OR52N2: variants seen among roughly 807,000 people sequenced by gnomAD.
OR52N2 encodes the protein olfactory receptor family 52 subfamily N member 2, also known as olfactory receptor 52N2.
For missense variants in OR52N2, 326 were observed against 196.6 expected, an observed-to-expected ratio of 1.66 and a Z score of -3.94; for synonymous variants, 129 against 72.0, an observed-to-expected ratio of 1.79 and a Z score of -4.01.
At position 5,821,122 on chromosome 11, in the gene OR52N2, A is replaced by C. The variant is rs1437571241; in HGVS notation, c.787A>C (p.Thr263Pro). The change falls in exon 2 of 2, where the codon ACT becomes CCT. Residue 263 changes from threonine (T) to proline (P), a missense_variant. By Grantham distance (38) the Thr-to-Pro change is conservative. Transcript: ENST00000317037. ...TYVAAFFTFF[T>P]HRFVGHNIPN... Reference sequence around the variant, plus strand: ...TGTTGCTGCTTTTTTCACTTTTTTCACTCATCGTTTTGTAGGACACAATAT... The same window carrying C: ...TGTTGCTGCTTTTTTCACTTTTTTCCCTCATCGTTTTGTAGGACACAATAT... 3 of 779,772 alleles carry C rather than the reference A, an allele frequency of 3.8e-6. No homozygotes were observed. The South Asian group carries it at 4.0e-5, about 11-fold the overall frequency. The allele number at this position is 779,772 out of a possible 1,614,324, so 48.3% of individuals were successfully genotyped here. A position where few individuals can be genotyped will look rare whatever the true frequency, so the allele number is the denominator to read the frequency against.
rs746022780 is a variant in OR52N2, at chr11:5,820,755, CCCTGT to C, written c.422_426del (p.Pro141HisfsTer40). ...TACGCTATGCCACCATCCTTACCAA[CCCTGT>C]CATCGCCAAGGCTGGTCTTGCCACC... On this transcript the variant is annotated frameshift_variant, in exon 2 of 2. Transcript: ENST00000317037. LOFTEE classifies it low-confidence loss of function (END_TRUNC). 1 of 774,744 alleles carries C rather than the reference CCCTGT, an allele frequency of 1.3e-6. No individual in the cohort carries two copies. The highest frequency in any genetic ancestry group is 1.4e-5 in the South Asian group (1 of 72,132). The allele number at this position is 774,744 out of a possible 1,614,324, so 48.0% of individuals were successfully genotyped here.
chr11:5,820,842 C>A lies in OR52N2; in HGVS notation c.507C>A (p.Pro169=), dbSNP rs1276525460. Residue 169 remains proline (P), a synonymous_variant, in exon 2 of 2, where the codon CCC becomes CCA. Coordinates refer to ENST00000317037, the MANE Select transcript of OR52N2 (RefSeq NM_001005174.3). ...IPFTLLTKRL[P]YCRGNFIPHT... ...TCACTCTCCTCACCAAGCGCCTGCC[C>A]TATTGCCGGGGGAACTTCATCCCCC... 1 of 780,622 alleles carries A rather than the reference C, an allele frequency of 1.3e-6. No homozygotes were observed. The highest frequency in any genetic ancestry group is 2.4e-6 in the Non-Finnish European group (1 of 418,044). The allele number at this position is 780,622 out of a possible 1,614,324, so 48.4% of individuals were successfully genotyped here. A position where few individuals can be genotyped will look rare whatever the true frequency, so the allele number is the denominator to read the frequency against.
chr11:5,816,003 G>T (rs940059498), intron 1 of OR52N2, among the ~76,000 whole-genome samples: 1 of 151,992 alleles, frequency 6.6e-6, no homozygotes, highest in Non-Finnish European at 1.5e-5. Context: ...TAAAAAGGAA[G>T]AACATTCTGA....
chr11:5,813,483 A>G (rs1368283796), intron 1 of OR52N2, among the ~76,000 whole-genome samples: 1 of 152,144 alleles, frequency 6.6e-6, no homozygotes, highest in Admixed American at 6.5e-5. Flanking sequence ...AAGAAATAGA[A>G]TATCTAAACA....
At chr11:5,819,259 C>G (rs912132639) in intron 1 of OR52N2, among the ~76,000 whole-genome samples, 1 of 152,124 alleles carries the variant, frequency 6.6e-6, no homozygotes, top group Non-Finnish European at 1.5e-5. Context: ...TTCAAACACC[C>G]CTGAAGCTAT....
At chr11:5,816,665 G>A (rs1413925764) in intron 1 of OR52N2, among the ~76,000 whole-genome samples, 1 of 151,998 alleles carries the variant, frequency 6.6e-6, no homozygotes, top group Admixed American at 6.6e-5. Flanking sequence ...TCAGCCTCCC[G>A]AGTTGCTGGG....
intron 1 of OR52N2, among the ~76,000 whole-genome samples, chr11:5,819,147 T>C (rs1846426706): frequency 6.6e-6 from 1 of 152,192 alleles, no homozygotes; most frequent in African/African-American, 2.4e-5. Flanking sequence ...GTGAGGAATG[T>C]TTGGCATTGG....
chr11:5,812,795 A>C (rs1293314055), intron 1 of OR52N2, among the ~76,000 whole-genome samples: 2 of 152,062 alleles, frequency 1.3e-5, no homozygotes, highest in Admixed American at 6.5e-5. Context: ...CAAATCAGTT[A>C]TATTTTAGGC....
chr11:5,817,909 T>C (rs758550676), intron 1 of OR52N2, among the ~76,000 whole-genome samples: 6 of 152,148 alleles, frequency 3.9e-5, no homozygotes, highest in Non-Finnish European at 8.8e-5. Flanking sequence ...GGTACAGCTA[T>C]TGGATGGAAA....
chr11:5,810,078 A>G (rs980470367), intron 1 of OR52N2, among the ~76,000 whole-genome samples: 4 of 152,358 alleles, frequency 2.6e-5, no homozygotes, highest in South Asian at 4.1e-4. Context: ...GAAGCATCAG[A>G]TATCAGTGAG....
chr11:5,811,161 T>A (rs1590364608), intron 1 of OR52N2, among the ~76,000 whole-genome samples: 2 of 151,992 alleles, frequency 1.3e-5, no homozygotes, highest in East Asian at 3.8e-4. Context: ...TAAGAGAGTG[T>A]ATTACTACCA....
At chr11:5,818,719 G>A (rs1846423707) in intron 1 of OR52N2, among the ~76,000 whole-genome samples, 1 of 152,030 alleles carries the variant, frequency 6.6e-6, no homozygotes, top group African/African-American at 2.4e-5. Context: ...CTTTCTGGGT[G>A]GCTTCCACTG....
intron 1 of OR52N2, among the ~76,000 whole-genome samples, chr11:5,810,202 C>T (rs760589799): frequency 2.0e-5 from 3 of 152,082 alleles, no homozygotes; most frequent in African/African-American, 7.2e-5. Flanking sequence ...CCAAGCTTTC[C>T]GAAAGAGACT....
At chr11:5,809,524 C>A (rs776144352) in intron 1 of OR52N2, among the ~76,000 whole-genome samples, 17 of 151,852 alleles carry the variant, frequency 1.1e-4, no homozygotes, top group Non-Finnish European at 2.1e-4. Context: ...TGATGGGAAG[C>A]GGTAGGCTGT....
At chr11:5,814,446 A>G (rs1846386733) in intron 1 of OR52N2, among the ~76,000 whole-genome samples, 2 of 151,998 alleles carry the variant, frequency 1.3e-5, no homozygotes, top group African/African-American at 2.4e-5. Context: ...TAATAAAATT[A>G]TATTTTATTT....
chr11:5,819,890 T>C (rs1846432367), intron 1 of OR52N2, among the ~76,000 whole-genome samples: 1 of 152,194 alleles, frequency 6.6e-6, no homozygotes, highest in African/African-American at 2.4e-5. Flanking sequence ...ATGCTGTAAT[T>C]ATACCCATGT....
chr11:5,821,193 G>A lies in OR52N2; in HGVS notation c.858G>A (p.Leu286=), dbSNP rs1425397684. ...TCGTGGCCAACCTTTATCTGCTACT[G>A]CCTCCTACCATGAACCCAATTGTTT... is the stretch of plus-strand genomic sequence containing the variant. ...HIIVANLYLL[L]PPTMNPIVYG... The change falls in exon 2 of 2, where the codon CTG becomes CTA. Residue 286 remains leucine (L), a synonymous_variant. Coordinates refer to ENST00000317037, the MANE Select transcript of OR52N2 (RefSeq NM_001005174.3). 1 of 780,786 alleles carries A rather than the reference G, an allele frequency of 1.3e-6. No homozygotes were observed. The highest frequency in any genetic ancestry group is 1.7e-5 in the Admixed American group (1 of 58,996). The allele number at this position is 780,786 out of a possible 1,614,324, so 48.4% of individuals were successfully genotyped here.
Position 5,821,243 on chromosome 11 carries a change from AGG to A in OR52N2, c.909_910del (p.Glu304ArgfsTer4). On this transcript the variant is annotated frameshift_variant, in exon 2 of 2. Transcript: ENST00000317037. LOFTEE classifies it low-confidence loss of function (END_TRUNC). Reference sequence around the variant, plus strand: ...TATGGAGTCAAGACCAAGCAGATTCAGGAAGGTGTAATTAAATTTTTACTTGG... The same window carrying A: ...TATGGAGTCAAGACCAAGCAGATTCAAAGGTGTAATTAAATTTTTACTTGG... 1 of 780,906 alleles carries A rather than the reference AGG, an allele frequency of 1.3e-6. No individual in the cohort carries two copies. The highest frequency in any genetic ancestry group is 2.4e-6 in the Non-Finnish European group (1 of 418,056). The allele number at this position is 780,906 out of a possible 1,614,324, so 48.4% of individuals were successfully genotyped here.
intron 1 of OR52N2, among the ~76,000 whole-genome samples, chr11:5,816,545 C>CTTTTTTT (rs1464421774): frequency 5.3e-5 from 8 of 150,694 alleles, no homozygotes; most frequent in African/African-American, 9.8e-5. Context: ...TGATCTAAAT[C>CTTTTTTT]TTCTTTTTTT....
Sources: gnomAD v4.1 joint callset for allele counts (sites outside exome capture counted in the v4.1 genomes callset) on GRCh38, gnomAD v4.1.1 for gene constraint, MANE v1.5 for transcripts, NCBI Gene and HGNC (gene_info 2026-07-23, HGNC 2026-07-21) for gene names.